NRXN3: variants seen among roughly 807,000 people sequenced by gnomAD.
The protein encoded by NRXN3 is neurexin 3.
Under a neutral mutation model 137.6 loss-of-function variants are expected in NRXN3, and 32 were observed. The ratio of observed to expected loss-of-function variants is 0.23; its 90% confidence interval spans 0.18 to 0.31. NRXN3 has a LOEUF of 0.31. NRXN3 is among the 10% of genes least tolerant of loss of function. The pLI is 1.00. For missense variants in NRXN3, 1,574 were observed against 2,062.5 expected (o/e 0.76, Z 4.59); for synonymous variants, 798 against 784.5 (o/e 1.02, Z -0.29).
chr14:79,441,787 G>A (rs2095964739), intron 15 of NRXN3, among the ~76,000 whole-genome samples: 1 of 151,428 alleles, frequency 6.6e-6, no homozygotes, highest in Admixed American at 6.6e-5. Flanking sequence ...ATGTGTGTGT[G>A]AAGTAATCTT....
chr14:78,561,873 T>C (rs1288986005), intron 4 of NRXN3, among the ~76,000 whole-genome samples: 1 of 152,202 alleles, frequency 6.6e-6, no homozygotes, highest in Non-Finnish European at 1.5e-5. Flanking sequence ...ATAAGCCTCA[T>C]GTGGGTTTCT....
chr14:79,387,691 C>A (rs1453696172), intron 15 of NRXN3, among the ~76,000 whole-genome samples: 1 of 151,650 alleles, frequency 6.6e-6, no homozygotes, highest in Admixed American at 6.6e-5. Context: ...AGAGCAAAGA[C>A]TTGGAACCAA....
At chr14:79,338,593 T>A (rs1306303880) in intron 15 of NRXN3, among the ~76,000 whole-genome samples, 1 of 152,110 alleles carries the variant, frequency 6.6e-6, no homozygotes, top group African/African-American at 2.4e-5. Flanking sequence ...ACCTTTAAAA[T>A]GGGAATAAAG....
At chr14:78,963,937 T>C (rs1000911865) in intron 11 of NRXN3, among the ~76,000 whole-genome samples, 4 of 152,036 alleles carry the variant, frequency 2.6e-5, no homozygotes, top group Non-Finnish European at 4.4e-5. Flanking sequence ...GGCTAATATT[T>C]TTTTTTTAAT....
intron 16 of NRXN3, among the ~76,000 whole-genome samples, chr14:79,513,230 AGT>A (rs1316297871): frequency 1.3e-5 from 2 of 152,204 alleles, no homozygotes; most frequent in Non-Finnish European, 2.9e-5. Flanking sequence ...TGGAATATGC[AGT>A]GTTTCTTGAC....
chr14:78,724,538 CAATAG>C (rs71131658), intron 8 of NRXN3, among the ~76,000 whole-genome samples: 2 of 151,690 alleles, frequency 1.3e-5, no homozygotes, highest in East Asian at 1.9e-4. Flanking sequence ...AATGAGTGGT[CAATAG>C]AATAGAATAG....
chr14:79,062,382 A>C (rs909335068), intron 15 of NRXN3, among the ~76,000 whole-genome samples: 1 of 152,136 alleles, frequency 6.6e-6, no homozygotes, highest in Non-Finnish European at 1.5e-5. Flanking sequence ...AGTTTTCTCT[A>C]TGACTGCCCT....
At chr14:79,045,494 C>G (rs773746444) in intron 15 of NRXN3, among the ~76,000 whole-genome samples, 32 of 152,156 alleles carry the variant, frequency 2.1e-4, no homozygotes, top group Non-Finnish European at 5.9e-5. Flanking sequence ...GCAGGTGACT[C>G]AGAGCCCTGA....
chr14:78,332,594 G>A (rs1257229002), intron 4 of NRXN3, among the ~76,000 whole-genome samples: 1 of 152,136 alleles, frequency 6.6e-6, no homozygotes, highest in African/African-American at 2.4e-5. Flanking sequence ...GATTACAGGA[G>A]TGAGCCGCTG....
chr14:78,172,066 A>G (rs566099551), intron 1 of NRXN3, among the ~76,000 whole-genome samples: 1 of 152,180 alleles, frequency 6.6e-6, no homozygotes, highest in South Asian at 2.1e-4. Context: ...AGCCACCCCA[A>G]CATTCTTCTT....
At chr14:78,328,451 T>C (rs995400989) in intron 4 of NRXN3, among the ~76,000 whole-genome samples, 9 of 152,158 alleles carry the variant, frequency 5.9e-5, no homozygotes, top group African/African-American at 2.2e-4. Context: ...TTTGACGCAA[T>C]AGAATTCAAT....
At chr14:78,471,333 C>CA (rs1491548042) in intron 4 of NRXN3, among the ~76,000 whole-genome samples, 1,079 of 8,512 alleles carry the variant, frequency 0.13, 19 homozygotes, top group Middle Eastern at 0.3. Flanking sequence ...CACACACACA[C>CA]CCCCAAGAAA....
In NRXN3 at chr14:79,058,380, C is replaced by G. The variant is rs115560696; in HGVS notation, c.3262+70239C>G. On this transcript the variant is annotated intron_variant, in intron 15 of 20. Coordinates refer to ENST00000335750, the MANE Select transcript of NRXN3 (RefSeq NM_001330195.2). ...CAGCAGAAGATCAAAGTGAAACAGACAAGCAGTATGTAAGTGGAGAAATAG... is the reference window on the plus strand; with the variant it reads ...CAGCAGAAGATCAAAGTGAAACAGAGAAGCAGTATGTAAGTGGAGAAATAG... 6.2e-3 allele frequency among the ~76,000 whole-genome samples: 938 copies of G among 152,054 alleles called. 11 individuals carry two copies. Among genetic ancestry groups the G allele is most frequent in the African/African-American group, 0.021 (890 of 41,468 alleles).
chr14:78,283,196 T>TG (rs1197452063), intron 3 of NRXN3: 2 of 152,184 alleles, frequency 1.3e-5, no homozygotes, highest in Admixed American at 1.3e-4. Flanking sequence ...GACCACTTAG[T>TG]CTGCGCTGGT....
intron 8 of NRXN3, among the ~76,000 whole-genome samples, chr14:78,790,217 T>G (rs2098801087): frequency 6.6e-6 from 1 of 152,156 alleles, no homozygotes; most frequent in Non-Finnish European, 1.5e-5. Context: ...TAAACCAGAG[T>G]TTCTCTATTC....
chr14:79,279,257 C>A, intron 15 of NRXN3: 1 of 759,238 alleles, frequency 1.3e-6, no homozygotes, highest in Non-Finnish European at 1.6e-6. Context: ...GTCGCTCTGG[C>A]CCCTCCTTCC....
At chr14:78,687,715 C>T (rs146486603) in intron 6 of NRXN3, among the ~76,000 whole-genome samples, 230 of 152,316 alleles carry the variant, frequency 1.5e-3, no homozygotes, top group African/African-American at 5.4e-3. Context: ...TGCTGGTTGA[C>T]ATTGAAAAGG....
intron 4 of NRXN3, among the ~76,000 whole-genome samples, chr14:78,500,588 G>A (rs775455803): frequency 7.2e-5 from 11 of 152,134 alleles, no homozygotes; most frequent in East Asian, 3.9e-4. Context: ...GCCAACCCCC[G>A]CCAAATAGAT....
intron 4 of NRXN3, among the ~76,000 whole-genome samples, chr14:78,307,596 T>G (rs2040022839): frequency 2.0e-5 from 3 of 152,096 alleles, no homozygotes; most frequent in Admixed American, 1.3e-4. Flanking sequence ...AATACCTAAT[T>G]GATATTATTG....
Sources: allele counts gnomAD v4.1 joint callset (sites outside exome capture counted in the v4.1 genomes callset), GRCh38; gene constraint gnomAD v4.1.1; transcripts MANE v1.5; gene names NCBI Gene and HGNC (gene_info 2026-07-23, HGNC 2026-07-21).